Variants in CYFIP1 observed in about 807,000 individuals in gnomAD.
CYFIP1 encodes cytoplasmic FMR1-interacting protein 1.
In CYFIP1, 58 loss-of-function variants were observed where a neutral mutation model predicts 163.5. The ratio of observed to expected loss-of-function variants is 0.35; its 90% confidence interval spans 0.29 to 0.44. The LOEUF is 0.44. Among genes scored for constraint, CYFIP1 ranks in the 20% least tolerant of loss-of-function variants. The pLI is 1.00. For synonymous variants in CYFIP1, 663 were observed against 660.7 expected (o/e 1.00, Z -0.05); for missense variants, 1,338 against 1,653.8 (o/e 0.81, Z 3.31).
At chr15:22,950,567 C>A (rs1178716351) in intron 1 of CYFIP1, among the ~76,000 whole-genome samples, 4 of 152,222 alleles carry the variant, frequency 2.6e-5, no homozygotes, top group Non-Finnish European at 5.9e-5. Context: ...ATTTCAATGA[C>A]CAGAGGTCAA....
chr15:22,972,809 C>T (rs1343719135), intron 1 of CYFIP1, among the ~76,000 whole-genome samples: 5 of 152,058 alleles, frequency 3.3e-5, no homozygotes, highest in Non-Finnish European at 7.4e-5. Flanking sequence ...AGTTTGAGAC[C>T]AGTCTGAGCA....
chr15:22,881,588 T>C (rs2059764172), intron 25 of CYFIP1, among the ~76,000 whole-genome samples: 1 of 151,794 alleles, frequency 6.6e-6, no homozygotes, highest in Admixed American at 6.6e-5. Flanking sequence ...TCTCGCCTCA[T>C]TGGGTGGCAA....
chr15:22,918,880 G>A, intron 13 of CYFIP1, 22 bp from the exon 14 acceptor site: 1 of 1,561,546 alleles, frequency 6.4e-7, no homozygotes, highest in East Asian at 2.3e-5. Flanking sequence ...ACAGCAACAG[G>A]GACGGCCCTT....
intron 1 of CYFIP1, among the ~76,000 whole-genome samples, chr15:22,972,596 C>T (rs1194976524): frequency 6.6e-6 from 1 of 152,094 alleles, no homozygotes; most frequent in East Asian, 1.9e-4. Flanking sequence ...GCCAAGAACA[C>T]ACAATGAGAA....
At chr15:22,971,265 G>A (rs903320860) in intron 1 of CYFIP1, among the ~76,000 whole-genome samples, 1 of 152,188 alleles carries the variant, frequency 6.6e-6, no homozygotes. Context: ...TAGACCAGGT[G>A]CTGTTGCTCA....
chr15:22,903,944 C>T (rs1279281431), intron 21 of CYFIP1, 39 bp from the exon 22 acceptor site: 11 of 1,598,264 alleles, frequency 6.9e-6, no homozygotes, highest in Non-Finnish European at 9.4e-6. Context: ...CAGAGCTGGT[C>T]CAGGCAGGAA....
chr15:22,910,786 A>G lies in CYFIP1; in HGVS notation c.2110T>C (p.Tyr704His). 6.2e-7 allele frequency: 1 copy of G among 1,614,034 alleles called. No individual in the cohort carries two copies. Residue 704 changes from tyrosine (Y) to histidine (H), a missense_variant, in exon 19 of 31, where the codon TAC becomes CAC. By Grantham distance (83) the Tyr-to-His change is moderately conservative (BLOSUM62 2). Around this residue, in one of 4 missense-constraint regions of CYFIP1, gnomAD observed 824 missense variants for 995.7 expected, o/e 0.83. Transcript: ENST00000617928. Reference protein sequence around the residue: ...EVNLCFDQFVYKLADQIFAYY... With the variant: ...EVNLCFDQFVHKLADQIFAYY... The stretch of plus-strand genomic sequence containing the variant: ...GCAAATATCTGGTCTGCTAGCTTGT[A>G]AACAAATTGGTCAAAACATAGATTC...
intron 1 of CYFIP1, among the ~76,000 whole-genome samples, chr15:22,952,033 T>C (rs2062267848): frequency 6.6e-6 from 1 of 152,210 alleles, no homozygotes; most frequent in South Asian, 2.1e-4. Flanking sequence ...ACAGTATTTA[T>C]GTGGTCAGTG....
rs752065872 is a variant in CYFIP1, at chr15:22,943,238, G to A, written c.504C>T (p.Phe168=). ...TGTTCTTCAGCTCGTCCAGCACAGC[G>A]AACATGTTGATGAATTTGCCCAGTG... ...LITLGKFINM[F]AVLDELKNMK... is the part of the protein sequence containing the mutation. Residue 168 remains phenylalanine (F), a synonymous_variant, in exon 6 of 31, where the codon TTC becomes TTT. Transcript: ENST00000617928. 18 of 1,614,208 alleles carry A rather than the reference G, an allele frequency of 1.1e-5. No homozygotes were observed. Among genetic ancestry groups the A allele is most frequent in the East Asian group, 8.9e-5 (4 of 44,884 alleles).
At position 22,943,078 on chromosome 15, in the gene CYFIP1, T is replaced by C. The variant is rs1270192352; in HGVS notation, c.569+95A>G. 3 of 1,248,932 alleles carry C rather than the reference T, an allele frequency of 2.4e-6. No homozygotes were observed. In the African/African-American group the frequency reaches 4.5e-5, roughly 19 times the overall value. 77.4% of individuals were successfully genotyped at this position (1,248,932 alleles called of 1,614,324 possible). On this transcript the variant is annotated intron_variant, in intron 6 of 30. Transcript: ENST00000617928. ...GCTGCTGCCTACCAGAAGTGACGACTTCAGCAAACAAAGACGCACACCTGC... is the reference window on the plus strand; with the variant it reads ...GCTGCTGCCTACCAGAAGTGACGACCTCAGCAAACAAAGACGCACACCTGC...
At chr15:22,978,352 C>CAAAAAAAAAAAAAAAAA (rs397976366) in intron 1 of CYFIP1, among the ~76,000 whole-genome samples, 3 of 52,764 alleles carry the variant, frequency 5.7e-5, no homozygotes, top group African/African-American at 1.3e-4. Context: ...GACTCTGTCA[C>CAAAAAAAAAAAAAAAAA]AAAAAAAAAA....
intron 22 of CYFIP1, among the ~76,000 whole-genome samples, chr15:22,900,233 A>T (rs1010701319): frequency 2.0e-5 from 3 of 152,052 alleles, no homozygotes; most frequent in African/African-American, 7.2e-5. Flanking sequence ...GCAAGTGAAG[A>T]CAGAGAGGAG....
intron 22 of CYFIP1, among the ~76,000 whole-genome samples, chr15:22,901,210 C>CA (rs564175833): frequency 0.043 from 6,048 of 140,856 alleles, 137 homozygotes; most frequent in Middle Eastern, 0.087. Flanking sequence ...CACAAAAAAA[C>CA]AAAAAAAAAA....
At chr15:22,956,816 C>T (rs1422340016) in intron 1 of CYFIP1, among the ~76,000 whole-genome samples, 1 of 152,248 alleles carries the variant, frequency 6.6e-6, no homozygotes, top group East Asian at 1.9e-4. Flanking sequence ...TGGCTGCACA[C>T]ACAGGGACAA....
chr15:22,931,106 G>GGGGGACA (rs1355713757), intron 11 of CYFIP1, among the ~76,000 whole-genome samples: 1 of 152,130 alleles, frequency 6.6e-6, no homozygotes, highest in Non-Finnish European at 1.5e-5. Flanking sequence ...CATGGGGGGT[G>GGGGGACA]GGGGACAGGG....
chr15:22,931,089 T>G, intron 11 of CYFIP1, among the ~76,000 whole-genome samples: 1 of 152,194 alleles, frequency 6.6e-6, no homozygotes, highest in East Asian at 1.9e-4. Flanking sequence ...TGATGATGAC[T>G]GGTAACCATG....
chr15:22,943,876 G>A (rs543930703), intron 5 of CYFIP1, among the ~76,000 whole-genome samples: 25 of 152,040 alleles, frequency 1.6e-4, no homozygotes, highest in Admixed American at 1.0e-3. Flanking sequence ...CCAGGGCGAG[G>A]ACCACCAGGA....
intron 1 of CYFIP1, among the ~76,000 whole-genome samples, chr15:22,958,113 G>A (rs950413265): frequency 5.7e-5 from 6 of 104,538 alleles, no homozygotes; most frequent in African/African-American, 2.4e-4. Context: ...TTTTTTTTTT[G>A]AAATGGAGTC....
rs540719422 is a variant in CYFIP1 at position 22,926,840 on chromosome 15, G to T, written c.1234-733C>A. 1.9e-4 allele frequency among the ~76,000 whole-genome samples: 29 copies of T among 152,188 alleles called. No individual in the cohort carries two copies. In the South Asian group the frequency reaches 5.6e-3, roughly 29 times the overall value. ...TGACTATTAATTAAAATAATTTATG[G>T]TACATTTCAGAATAGATAGGGAAGA... On this transcript the variant is annotated intron_variant, in intron 12 of 30. Coordinates refer to ENST00000617928, the MANE Select transcript of CYFIP1 (RefSeq NM_014608.6).
Sources: allele counts gnomAD v4.1 joint callset (sites outside exome capture counted in the v4.1 genomes callset), GRCh38; gene constraint gnomAD v4.1.1; regional missense constraint gnomAD v4.1.1; transcripts MANE v1.5; gene names NCBI Gene and HGNC (gene_info 2026-07-23, HGNC 2026-07-21).